Variants in DAGLA observed in about 807,000 individuals in gnomAD.
The protein encoded by DAGLA is diacylglycerol lipase alpha.
Under a neutral mutation model 102.6 loss-of-function variants are expected in DAGLA, and 22 were observed. That is an observed-to-expected ratio of 0.21 (90% CI 0.15 to 0.31). The LOEUF (loss-of-function observed/expected upper bound fraction) is 0.31. Among genes scored for constraint, DAGLA ranks in the 10% least tolerant of loss-of-function variants. The pLI is 1.00. For missense variants in DAGLA, 927 were observed against 1,446.6 expected, an observed-to-expected ratio of 0.64 and a Z score of 5.83; for synonymous variants, 578 against 628.9, an observed-to-expected ratio of 0.92 and a Z score of 1.21.
At chr11:61,742,613 C>T (rs544858488) in intron 19 of DAGLA, among the ~76,000 whole-genome samples, 2 of 152,190 alleles carry the variant, frequency 1.3e-5, no homozygotes, top group Non-Finnish European at 2.9e-5. Context: ...GGGCTGCGGC[C>T]CATGGGAGAC....
chr11:61,730,566 A>G (rs575990569), intron 8 of DAGLA, among the ~76,000 whole-genome samples: 1 of 152,222 alleles, frequency 6.6e-6, no homozygotes, highest in Admixed American at 6.5e-5. Context: ...TGCCTGGGGC[A>G]CTCGGGAAAG....
At chr11:61,717,282 T>A (rs2065243061) in intron 1 of DAGLA, among the ~76,000 whole-genome samples, 2 of 152,232 alleles carry the variant, frequency 1.3e-5, no homozygotes, top group Middle Eastern at 3.4e-3. Flanking sequence ...TTCAAGGCCC[T>A]TAAAAATAGC....
At chr11:61,716,850 G>C (rs922010727) in intron 1 of DAGLA, among the ~76,000 whole-genome samples, 2 of 152,206 alleles carry the variant, frequency 1.3e-5, no homozygotes, top group Non-Finnish European at 2.9e-5. Flanking sequence ...AAATTGGGCT[G>C]TGTGGGTGGG....
rs750470792 is a variant in DAGLA, at chr11:61,731,399, G to A, written c.932G>A (p.Arg311Gln). 3.7e-6 allele frequency: 6 copies of A among 1,613,904 alleles called. No homozygotes were observed. The highest frequency in any genetic ancestry group is 2.2e-5 in the East Asian group (1 of 44,896). The change falls in exon 9 of 20, where the codon CGG becomes CAG. Residue 311 changes from arginine (R) to glutamine (Q), a missense_variant. Arg to Gln is a conservative substitution (Grantham distance 43, BLOSUM62 1). Coordinates refer to ENST00000257215, the MANE Select transcript of DAGLA (RefSeq NM_006133.3). ...TACGGGTGGCCCATGTACCTGATGC[G>A]GAAGCCCGCCTGCGGCCTCTGCCAA... ...AAYGWPMYLM[R>Q]KPACGLCQLA...
rs1178199998 is a variant in DAGLA, at chr11:61,734,036, G to A, written c.975-813G>A. Among the ~76,000 whole-genome samples the A allele has an allele frequency of 6.6e-6, 1 of 152,160 alleles. No individual in the cohort carries two copies. The highest frequency in any genetic ancestry group is 6.5e-5 in the Admixed American group (1 of 15,274). Reference sequence around the variant, plus strand: ...GTGGGGTAGACAGGGCGTTGCTGTAGGGTCTTAAAAAGAAAATGATGTGGC... The same window carrying A: ...GTGGGGTAGACAGGGCGTTGCTGTAAGGTCTTAAAAAGAAAATGATGTGGC... On this transcript the variant is annotated intron_variant, in intron 9 of 19. Transcript: ENST00000257215. The surrounding 1 kb of genome is among the most constrained non-coding windows in gnomAD (Gnocchi z 4.2).
At chr11:61,724,677 C>A (rs748678827) in intron 5 of DAGLA, among the ~76,000 whole-genome samples, 1 of 152,296 alleles carries the variant, frequency 6.6e-6, no homozygotes, top group African/African-American at 2.4e-5. Flanking sequence ...GCTGTGGCCA[C>A]GTCCCAGCCC....
At chr11:61,728,472 G>A (rs569084964) in intron 7 of DAGLA, among the ~76,000 whole-genome samples, 185 bp downstream of exon 7, 2 of 152,118 alleles carry the variant, frequency 1.3e-5, no homozygotes, top group African/African-American at 2.4e-5. Flanking sequence ...CTTGTCCTTC[G>A]GCCAGGCTTT....
At position 61,738,115 on chromosome 11, in the gene DAGLA, C is replaced by G. The variant is rs1565264113; in HGVS notation, c.1584-20C>G. 1 of 1,610,648 alleles carries G rather than the reference C, an allele frequency of 6.2e-7. No homozygotes were observed. Among genetic ancestry groups the G allele is most frequent in the Non-Finnish European group, 8.5e-7 (1 of 1,177,512 alleles). On this transcript the variant is annotated intron_variant, in intron 15 of 19. Transcript: ENST00000257215. ...CGCTGACCAGGCCTGGCTGACGGCC[C>G]TGTCTCGTTCCCTCCCCAGGATTGG...
intron 1 of DAGLA, among the ~76,000 whole-genome samples, chr11:61,685,464 G>C (rs1282123523): frequency 6.6e-6 from 1 of 152,156 alleles, no homozygotes; most frequent in Admixed American, 6.6e-5. Flanking sequence ...TCTGTTAGCA[G>C]TGTCATCAGC....
chr11:61,729,139 T>C (rs1161509808), intron 8 of DAGLA, 131 bp downstream of exon 8: 4 of 766,678 alleles, frequency 5.2e-6, no homozygotes, highest in Non-Finnish European at 9.1e-6. Flanking sequence ...TCCCCCCGGC[T>C]CTCCAGAGAG....
At chr11:61,721,904 G>A (rs2065286853) in intron 3 of DAGLA, among the ~76,000 whole-genome samples, 1 of 152,260 alleles carries the variant, frequency 6.6e-6, no homozygotes, top group South Asian at 2.1e-4. Context: ...AACCCACGCT[G>A]TCTGGCTCCA....
Position 61,740,576 on chromosome 11 carries a change from T to C in DAGLA, c.1967T>C (p.Met656Thr). Residue 656 changes from methionine to threonine, a missense_variant, in exon 18 of 20, where the codon ATG (methionine) becomes ACG (threonine). Around this residue, in one of 4 missense-constraint regions of DAGLA, gnomAD observed 218 missense variants for 459.6 expected, o/e 0.47. Coordinates refer to ENST00000257215, the MANE Select transcript of DAGLA (RefSeq NM_006133.3). ...MLHEHLPYVV[M>T]EGLNKVLENY... ...CATGAGCACCTGCCCTATGTGGTCA[T>C]GGAGGGGCTCAACAAGGTGAGGCAG... is the stretch of plus-strand genomic sequence containing the variant. 1 of 1,613,614 alleles carries C rather than the reference T, an allele frequency of 6.2e-7. No homozygotes were observed. Among genetic ancestry groups the C allele is most frequent in the Non-Finnish European group, 8.5e-7 (1 of 1,179,882 alleles).
intron 16 of DAGLA, 92 bp from the exon 17 acceptor site, chr11:61,739,373 C>T (rs2065455134): frequency 3.8e-6 from 5 of 1,308,394 alleles, no homozygotes. Context: ...CACCTCTCAC[C>T]TGCTGAGCCC....
rs559137304 is a variant in DAGLA at position 61,728,872 on chromosome 11, C to T, written c.772-59C>T. 41 of 1,522,298 alleles carry T rather than the reference C, an allele frequency of 2.7e-5. No homozygotes were observed. The African/African-American group carries it at 4.2e-4, about 16-fold the overall frequency. 94.3% of individuals were successfully genotyped at this position (1,522,298 alleles called of 1,614,324 possible). Reference sequence around the variant, plus strand: ...GACGCCAGGGCCTGGGCCCCCTTTCCCAGCCATGCAGCCGGGCCTGGGCCA... The same window carrying T: ...GACGCCAGGGCCTGGGCCCCCTTTCTCAGCCATGCAGCCGGGCCTGGGCCA... On this transcript the variant is annotated intron_variant, in intron 7 of 19. Transcript: ENST00000257215.
intron 15 of DAGLA, 73 bp from the exon 16 acceptor site, chr11:61,738,062 C>G: frequency 8.0e-7 from 1 of 1,246,176 alleles, no homozygotes. Context: ...GCCTGCCCCT[C>G]CGCCCCTGGC....
At chr11:61,690,776 G>A (rs1293901056) in intron 1 of DAGLA, among the ~76,000 whole-genome samples, 1 of 152,146 alleles carries the variant, frequency 6.6e-6, no homozygotes, top group Admixed American at 6.5e-5. Context: ...TGTGAGCCAC[G>A]GGAGGAACAG....
intron 9 of DAGLA, among the ~76,000 whole-genome samples, chr11:61,733,609 G>C (rs2065396159): frequency 6.6e-6 from 1 of 152,182 alleles, no homozygotes; most frequent in African/African-American, 2.4e-5. Context: ...GGCTCCCTCT[G>C]GTGGCCTGAG....
intron 1 of DAGLA, among the ~76,000 whole-genome samples, chr11:61,704,844 G>A (rs1360446295): frequency 6.6e-6 from 1 of 152,092 alleles, no homozygotes; most frequent in South Asian, 2.1e-4. Context: ...TTCATGGTCG[G>A]GCCCGGATGG....
intron 19 of DAGLA, among the ~76,000 whole-genome samples, 173 bp downstream of exon 19, chr11:61,741,522 C>T (rs1402919252): frequency 2.0e-5 from 3 of 152,192 alleles, no homozygotes; most frequent in Non-Finnish European, 2.9e-5. Context: ...CCAGCTGTCC[C>T]ACAGCCTGCT....
Sources: allele counts gnomAD v4.1 joint callset (sites outside exome capture counted in the v4.1 genomes callset), GRCh38; gene constraint gnomAD v4.1.1; regional missense constraint gnomAD v4.1.1; non-coding constraint Gnocchi (gnomAD v3.1); transcripts MANE v1.5; gene names NCBI Gene and HGNC (gene_info 2026-07-23, HGNC 2026-07-21).